PPP1R12A: variants seen among roughly 807,000 people sequenced by gnomAD.
The protein encoded by PPP1R12A is myosin binding subunit.
In PPP1R12A, 19 loss-of-function variants were observed where a neutral mutation model predicts 139.6. The observed-to-expected ratio is 0.14, with a 90% CI of 0.09 to 0.20. The LOEUF (loss-of-function observed/expected upper bound fraction) is 0.20. Ranked by LOEUF, PPP1R12A falls within the 10% of genes least tolerant of loss-of-function variation. The pLI is 1.00. For synonymous variants in PPP1R12A, 427 were observed against 420.6 expected (o/e 1.02, Z -0.19); for missense variants, 925 against 1,211.5 (o/e 0.76, Z 3.51).
rs1046301725 is a variant in PPP1R12A, at chr12:79,797,268, T to C, written c.2219A>G (p.Gln740Arg). 10 of 1,587,558 alleles carry C rather than the reference T, an allele frequency of 6.3e-6. No homozygotes were observed. Among genetic ancestry groups the C allele is most frequent in the Non-Finnish European group, 8.6e-6 (10 of 1,165,288 alleles). ...TGTTTCTGACTCCTTCTTTTCTTCTTGTTTCTCTTTATCTTGTTTCTCTTT... is the reference window on the plus strand; with the variant it reads ...TGTTTCTGACTCCTTCTTTTCTTCTCGTTTCTCTTTATCTTGTTTCTCTTT... ...EEKEKQDKEK[Q>R]EEKKESETSR... Residue 740 changes from glutamine (Q) to arginine (R), a missense_variant, in exon 16 of 25, where the codon CAA becomes CGA. Physicochemically the swap from Gln to Arg is conservative, Grantham distance 43. Transcript: ENST00000450142.
At chr12:79,928,756 C>G (rs1888035449) in intron 1 of PPP1R12A, among the ~76,000 whole-genome samples, 1 of 152,164 alleles carries the variant, frequency 6.6e-6, no homozygotes, top group African/African-American at 2.4e-5. Flanking sequence ...TGCTTCCAGT[C>G]TCTTTTACAC....
chr12:79,866,912 G>A (rs908017194), intron 2 of PPP1R12A, among the ~76,000 whole-genome samples: 1 of 152,160 alleles, frequency 6.6e-6, no homozygotes, highest in Non-Finnish European at 1.5e-5. Flanking sequence ...ACAGTGTGGC[G>A]ATTCCGCAAG....
chr12:79,881,711 T>C (rs1883655539), intron 1 of PPP1R12A, among the ~76,000 whole-genome samples: 1 of 152,182 alleles, frequency 6.6e-6, no homozygotes, highest in South Asian at 2.1e-4. Flanking sequence ...ACGGCAACCT[T>C]CTACTGGAAG....
intron 22 of PPP1R12A, 69 bp downstream of exon 22, chr12:79,786,305 A>T: frequency 1.0e-6 from 1 of 980,824 alleles, no homozygotes; most frequent in Non-Finnish European, 1.5e-6. Context: ...AAAAAATTTT[A>T]ATACCATTTT....
At chr12:79,916,175 A>G (rs1886981384) in intron 1 of PPP1R12A, among the ~76,000 whole-genome samples, 1 of 152,010 alleles carries the variant, frequency 6.6e-6, no homozygotes, top group Non-Finnish European at 1.5e-5. Flanking sequence ...GTACCTATAA[A>G]CAACAAATGT....
chr12:79,845,925 C>T (rs200038263), intron 2 of PPP1R12A, among the ~76,000 whole-genome samples: 595 of 17,012 alleles, frequency 0.035, 1 homozygote, highest in Non-Finnish European at 0.092. Flanking sequence ...ATTAGAAAGT[C>T]TCATAGGATC....
At chr12:79,928,288 A>G (rs12811009) in intron 1 of PPP1R12A, among the ~76,000 whole-genome samples, 14,954 of 152,218 alleles carry the variant, frequency 0.098, 1,963 homozygotes, top group African/African-American at 0.31. Flanking sequence ...TCAGACCACA[A>G]AAGTGTTGCC....
chr12:79,933,171 T>C (rs764381163), intron 1 of PPP1R12A, among the ~76,000 whole-genome samples: 21 of 152,342 alleles, frequency 1.4e-4, no homozygotes, highest in Non-Finnish European at 2.5e-4. Flanking sequence ...ATTAATGAAA[T>C]TGAGAAAGCG....
chr12:79,832,999 A>G (rs1318203135), intron 3 of PPP1R12A, among the ~76,000 whole-genome samples: 1 of 152,220 alleles, frequency 6.6e-6, no homozygotes, highest in Non-Finnish European at 1.5e-5. Context: ...CTTTTCCAAC[A>G]TAGTACACAT....
At chr12:79,932,152 C>T (rs991854023) in intron 1 of PPP1R12A, among the ~76,000 whole-genome samples, 3 of 152,098 alleles carry the variant, frequency 2.0e-5, no homozygotes, top group African/African-American at 7.2e-5. Flanking sequence ...AGGTATTCTA[C>T]GATCTTTTGA....
intron 2 of PPP1R12A, among the ~76,000 whole-genome samples, chr12:79,861,517 C>T (rs1881308155): frequency 6.6e-6 from 1 of 152,168 alleles, no homozygotes; most frequent in Admixed American, 6.5e-5. Context: ...TGTTGCCTCA[C>T]CTGGGAAGCG....
intron 11 of PPP1R12A, 107 bp from the exon 12 acceptor site, chr12:79,807,437 G>T: frequency 1.5e-6 from 1 of 675,990 alleles, no homozygotes. Flanking sequence ...AAAAACCTTT[G>T]GGAGGACACT....
In PPP1R12A at chr12:79,836,930, T is replaced by C. The variant is rs1414553498; in HGVS notation, c.488-4439A>G. The stretch of plus-strand genomic sequence containing the variant: ...GTAGACAATCTATGCTATGCTCTGG[T>C]TTCATTTGTAAGATGGGAGTGATGC... On this transcript the variant is annotated intron_variant, in intron 3 of 24. Coordinates refer to ENST00000450142, the MANE Select transcript of PPP1R12A (RefSeq NM_002480.3). Among the ~76,000 whole-genome samples the C allele has an allele frequency of 2.0e-5, 3 of 152,142 alleles. No individual in the cohort carries two copies. The East Asian group carries it at 5.8e-4, about 29-fold the overall frequency.
At chr12:79,918,453 AAT>A (rs1887174039) in intron 1 of PPP1R12A, among the ~76,000 whole-genome samples, 1 of 152,030 alleles carries the variant, frequency 6.6e-6, no homozygotes, top group South Asian at 2.1e-4. Context: ...CTGCAATATC[AAT>A]ACTCTGCTGC....
At chr12:79,850,520 T>G (rs1429647322) in intron 2 of PPP1R12A, among the ~76,000 whole-genome samples, 1 of 152,198 alleles carries the variant, frequency 6.6e-6, no homozygotes, top group Non-Finnish European at 1.5e-5. Context: ...AACTTTGTCT[T>G]TAAACCAGAA....
intron 8 of PPP1R12A, 99 bp downstream of exon 8, chr12:79,820,675 T>TA: frequency 7.9e-7 from 1 of 1,264,652 alleles, no homozygotes; most frequent in Non-Finnish European, 1.1e-6. Context: ...TCTAAACAAG[T>TA]AGCAAATCAG....
intron 2 of PPP1R12A, among the ~76,000 whole-genome samples, chr12:79,872,198 GGATA>G (rs1882648266): frequency 6.6e-6 from 1 of 151,922 alleles, no homozygotes; most frequent in Non-Finnish European, 1.5e-5. Context: ...TTTACTGTGT[GGATA>G]GATAGTAATA....
intron 19 of PPP1R12A, among the ~76,000 whole-genome samples, chr12:79,793,451 G>T (rs1455377773): frequency 6.6e-6 from 1 of 152,182 alleles, no homozygotes; most frequent in African/African-American, 2.4e-5. Context: ...TAAAATCTGA[G>T]CCTACTACTT....
chr12:79,779,466 A>G, intron 23 of PPP1R12A: 1 of 790,904 alleles, frequency 1.3e-6, no homozygotes, highest in African/African-American at 1.8e-5. Context: ...CATTTACTGT[A>G]AATGTTAATG....
Sources: gnomAD v4.1 joint callset for allele counts (sites outside exome capture counted in the v4.1 genomes callset) on GRCh38, gnomAD v4.1.1 for gene constraint, MANE v1.5 for transcripts, NCBI Gene and HGNC (gene_info 2026-07-23, HGNC 2026-07-21) for gene names.